Variants in HDAC9 observed in about 807,000 individuals in gnomAD.
HDAC9 encodes histone deacetylase 9.
A neutral mutation model predicts 139.4 loss-of-function variants in HDAC9; 41 were observed. The observed-to-expected ratio is 0.29, with a 90% CI of 0.23 to 0.38. HDAC9 has a LOEUF of 0.38. HDAC9 is among the 10% of genes least tolerant of loss of function. The pLI, the probability that HDAC9 is intolerant of heterozygous loss-of-function variation, is 1.00. For synonymous variants in HDAC9, 517 were observed against 476.2 expected (o/e 1.09, Z -1.12); for missense variants, 1,147 against 1,297.0 (o/e 0.88, Z 1.78).
chr7:18,543,110 C>T (rs1287623572), intron 2 of HDAC9: 2 of 152,042 alleles, frequency 1.3e-5, no homozygotes, highest in African/African-American at 4.8e-5. Context: ...AAACATACAC[C>T]TTTTAAAGTT....
intron 2 of HDAC9, among the ~76,000 whole-genome samples, chr7:18,236,543 G>T (rs1022006163): frequency 6.6e-6 from 1 of 152,084 alleles, no homozygotes; most frequent in African/African-American, 2.4e-5. Context: ...TTCAGTTTAC[G>T]GAAATTAAGA....
chr7:18,148,811 A>G (rs1322338727), intron 1 of HDAC9, among the ~76,000 whole-genome samples: 1 of 152,266 alleles, frequency 6.6e-6, no homozygotes, highest in Non-Finnish European at 1.5e-5. Context: ...CATTCTGAAT[A>G]ATCCAGGATA....
At position 18,530,837 on chromosome 7, in the gene HDAC9, A is replaced by T. The variant is rs202090549; in HGVS notation, c.22+34513A>T. Among the ~76,000 whole-genome samples, 4 of 150,390 alleles carry T rather than the reference A, an allele frequency of 2.7e-5. No individual in the cohort carries two copies. In the East Asian group the frequency reaches 7.7e-4, roughly 29 times the overall value. ...GTATATATAAATACATATATGTAAC[A>T]CTTATAAAAGTGTGAGAATTTAAAT... On this transcript the variant is annotated intron_variant, in intron 2 of 25. Transcript: ENST00000686413.
At chr7:18,807,790 T>C (rs1051925518) in intron 17 of HDAC9, among the ~76,000 whole-genome samples, 1 of 152,218 alleles carries the variant, frequency 6.6e-6, no homozygotes, top group African/African-American at 2.4e-5. Flanking sequence ...GAAAAGATAC[T>C]TGGTGTGATT....
intron 24 of HDAC9, among the ~76,000 whole-genome samples, chr7:18,964,134 C>G (rs149634578): frequency 6.6e-6 from 1 of 152,148 alleles, no homozygotes. Flanking sequence ...TAGAAACTTA[C>G]AATTACCAAA....
At chr7:18,981,011 G>A (rs1784913660) in intron 25 of HDAC9, among the ~76,000 whole-genome samples, 1 of 151,898 alleles carries the variant, frequency 6.6e-6, no homozygotes, top group African/African-American at 2.4e-5. Flanking sequence ...ATTTTTAGTA[G>A]AGATGGGGTT....
chr7:18,260,341 A>G (rs1391855578), intron 2 of HDAC9, among the ~76,000 whole-genome samples: 8 of 108,884 alleles, frequency 7.3e-5, no homozygotes, highest in Admixed American at 2.6e-4. Flanking sequence ...TTTTTTTGAG[A>G]TGGAGTGAAC....
At chr7:18,888,912 T>C (rs1277377846) in intron 22 of HDAC9, among the ~76,000 whole-genome samples, 1 of 152,232 alleles carries the variant, frequency 6.6e-6, no homozygotes, top group African/African-American at 2.4e-5. Context: ...AGGTCTTTAT[T>C]CCATGCTGTT....
chr7:18,381,375 C>T (rs1785432156), intron 1 of HDAC9, among the ~76,000 whole-genome samples: 1 of 151,852 alleles, frequency 6.6e-6, no homozygotes, highest in Non-Finnish European at 1.5e-5. Context: ...CTAGAAAGAG[C>T]ATAGTTTATA....
chr7:18,549,115 G>A (rs759505766), intron 2 of HDAC9, among the ~76,000 whole-genome samples: 1 of 152,156 alleles, frequency 6.6e-6, no homozygotes, highest in Non-Finnish European at 1.5e-5. Context: ...GTGCGTGCCT[G>A]TAGTCCCAGC....
chr7:18,220,447 A>T (rs1356517790), intron 2 of HDAC9, among the ~76,000 whole-genome samples: 6 of 152,146 alleles, frequency 3.9e-5, no homozygotes, highest in Admixed American at 3.9e-4. Context: ...AAGTGTATAG[A>T]TACATAGATG....
intron 2 of HDAC9, among the ~76,000 whole-genome samples, chr7:18,232,639 T>G (rs556355345): frequency 7.9e-5 from 12 of 152,348 alleles, no homozygotes; most frequent in African/African-American, 2.9e-4. Context: ...CTCATGATAT[T>G]TGCAGAATGC....
At chr7:18,493,530 C>A (rs776948258), upstream of HDAC9, among the ~76,000 whole-genome samples, 6 of 151,870 alleles carry the variant, frequency 4.0e-5, no homozygotes, top group Non-Finnish European at 8.8e-5. Flanking sequence ...TGTAATCAAG[C>A]CTCCTTCGTT....
At chr7:18,310,848 A>ACTCT (rs1554367256) in intron 1 of HDAC9, among the ~76,000 whole-genome samples, 1 of 137,646 alleles carries the variant, frequency 7.3e-6, no homozygotes, top group Non-Finnish European at 1.6e-5. Context: ...ACACACACAC[A>ACTCT]CTCTCTTACT....
chr7:18,523,950 G>T (rs1805948080), intron 2 of HDAC9, among the ~76,000 whole-genome samples: 1 of 134,580 alleles, frequency 7.4e-6, no homozygotes, highest in African/African-American at 2.8e-5. Flanking sequence ...CTATTCACCT[G>T]GACTGGCAGA....
At chr7:18,632,807 C>T (rs895403336) in intron 7 of HDAC9, among the ~76,000 whole-genome samples, 1 of 151,840 alleles carries the variant, frequency 6.6e-6, no homozygotes, top group African/African-American at 2.4e-5. Context: ...AGGCCTTAAA[C>T]TGAAATGATT....
intron 2 of HDAC9, among the ~76,000 whole-genome samples, chr7:18,520,626 C>G (rs556291766): frequency 3.9e-5 from 6 of 152,244 alleles, no homozygotes; most frequent in African/African-American, 9.6e-5. Context: ...GTGGTGCTCT[C>G]TGGACAAGTA....
At chr7:18,449,885 T>C (rs1792655441) in intron 1 of HDAC9, among the ~76,000 whole-genome samples, 1 of 152,188 alleles carries the variant, frequency 6.6e-6, no homozygotes, top group Non-Finnish European at 1.5e-5. Context: ...TGCTCTATAC[T>C]CATGTCTTTT....
At chr7:18,344,172 G>A (rs1782227251) in intron 1 of HDAC9, among the ~76,000 whole-genome samples, 1 of 151,804 alleles carries the variant, frequency 6.6e-6, no homozygotes, top group Non-Finnish European at 1.5e-5. Flanking sequence ...GTAAAAGCTG[G>A]AAATGTCTTT....
Sources: gnomAD v4.1 joint callset for allele counts (sites outside exome capture counted in the v4.1 genomes callset) on GRCh38, gnomAD v4.1.1 for gene constraint, MANE v1.5 for transcripts, NCBI Gene and HGNC (gene_info 2026-07-23, HGNC 2026-07-21) for gene names.